Variants in PDGFRA observed in about 807,000 individuals in gnomAD.
The protein encoded by PDGFRA is platelet derived growth factor receptor alpha.
Under a neutral mutation model 121.5 loss-of-function variants are expected in PDGFRA, and 25 were observed. That is an observed-to-expected ratio of 0.21 (90% CI 0.15 to 0.29). PDGFRA has a LOEUF of 0.29. Ranked by LOEUF, PDGFRA falls within the 10% of genes least tolerant of loss-of-function variation. The probability of loss-of-function intolerance (pLI) is 1.00; values close to 1 mark genes in which losing one functional copy is unlikely to be tolerated. For missense variants in PDGFRA, 1,008 were observed against 1,345.1 expected (o/e 0.75, Z 3.92); for synonymous variants, 463 against 494.8 (o/e 0.94, Z 0.85).
chr4:54,246,843 G>C (rs1366017200), intron 1 of PDGFRA, among the ~76,000 whole-genome samples: 1 of 148,180 alleles, frequency 6.7e-6, no homozygotes, highest in African/African-American at 2.6e-5. Context: ...GAAGAAAAGA[G>C]AGAAGAATCA....
rs763576329 is a variant in PDGFRA at position 54,285,959 on chromosome 4, G to C, written c.2558G>C (p.Gly853Ala). ...CATGATTCGAACTATGTGTCGAAAG[G>C]CAGTGTACGTCCTCACTTCCCTCAC... Reference protein sequence around the residue: ...IMHDSNYVSKGSTFLPVKWMA... With the variant: ...IMHDSNYVSKASTFLPVKWMA... The change falls in exon 18 of 23, where the codon GGC becomes GCC. Residue 853 changes from glycine to alanine, a missense_variant. This residue lies in a region of PDGFRA where 40 missense variants were observed against 127.4 expected (regional missense o/e 0.31). Coordinates refer to ENST00000257290, the MANE Select transcript of PDGFRA (RefSeq NM_006206.6). The C allele has an allele frequency of 1.2e-6, 2 of 1,614,040 alleles. No homozygotes were observed. The highest frequency in any genetic ancestry group is 1.7e-6 in the Non-Finnish European group (2 of 1,179,888).
chr4:54,271,246 T>C (rs1723334344), intron 8 of PDGFRA, among the ~76,000 whole-genome samples: 1 of 152,188 alleles, frequency 6.6e-6, no homozygotes, highest in Non-Finnish European at 1.5e-5. Flanking sequence ...CAAGTCTGTT[T>C]ACATTCAGGC....
At chr4:54,241,438 A>T (rs529950423) in intron 1 of PDGFRA, among the ~76,000 whole-genome samples, 19 of 152,268 alleles carry the variant, frequency 1.2e-4, no homozygotes, top group South Asian at 1.2e-3. Flanking sequence ...GTTGTAGATG[A>T]CCTATGTAAG....
intron 5 of PDGFRA, chr4:54,265,322 G>A: frequency 2.4e-6 from 1 of 408,466 alleles, no homozygotes; most frequent in Non-Finnish European, 4.6e-6. Context: ...GAAATAGGAA[G>A]GTTCTCTGGC....
chr4:54,258,456 A>G (rs1323074007), intron 1 of PDGFRA, among the ~76,000 whole-genome samples: 1 of 152,076 alleles, frequency 6.6e-6, no homozygotes, highest in East Asian at 1.9e-4. Context: ...AAAAATATAT[A>G]TATATGTATT....
At position 54,296,989 on chromosome 4, in the gene PDGFRA, C is replaced by T. The variant is rs1380940921; in HGVS notation, c.*1717C>T. 8.6e-6 allele frequency: 2 copies of T among 233,134 alleles called. No individual in the cohort carries two copies. Among genetic ancestry groups the T allele is most frequent in the Non-Finnish European group, 1.7e-5 (2 of 117,982 alleles). The allele number at this position is 233,134 out of a possible 1,614,324, so 14.4% of individuals were successfully genotyped here. Reference sequence around the variant, plus strand: ...GGGAGATTGAACTTTCCCCGTCTCCCGTCTTCTGCCTCCCACTCCATACCC... The same window carrying T: ...GGGAGATTGAACTTTCCCCGTCTCCTGTCTTCTGCCTCCCACTCCATACCC... On this transcript the variant is annotated 3_prime_UTR_variant, in exon 23 of 23. Transcript: ENST00000257290.
intron 16 of PDGFRA, among the ~76,000 whole-genome samples, chr4:54,281,281 A>G (rs1235990053): frequency 2.6e-5 from 4 of 152,172 alleles, no homozygotes; most frequent in South Asian, 4.1e-4. Flanking sequence ...GAGCCTTCCC[A>G]TTAGTCAATG....
At chr4:54,265,363 CA>C in intron 5 of PDGFRA, 3 of 341,410 alleles carry the variant, frequency 8.8e-6, no homozygotes, top group South Asian at 2.7e-5. Context: ...ATTAGAAGAG[CA>C]AAAAAACCAC....
At chr4:54,280,270 C>T (rs1443162011) in intron 15 of PDGFRA, 46 bp from the exon 16 acceptor site, 1 of 1,555,088 alleles carries the variant, frequency 6.4e-7, no homozygotes, top group South Asian at 1.1e-5. Context: ...GGAATGACCA[C>T]TTCAGAAGGG....
chr4:54,278,676 A>G, intron 15 of PDGFRA, 161 bp downstream of exon 15: 1 of 692,432 alleles, frequency 1.4e-6, no homozygotes, highest in Non-Finnish European at 2.6e-6. Flanking sequence ...TCATGCAGAG[A>G]GATGCATGAT....
In PDGFRA at chr4:54,287,555, A is replaced by G. The variant is rs751575586; in HGVS notation, c.2674+14A>G. 1.0e-6 allele frequency: 1 copy of G among 979,056 alleles called. No individual in the cohort carries two copies. The highest frequency in any genetic ancestry group is 1.3e-5 in the South Asian group (1 of 78,636). The allele number at this position is 979,056 out of a possible 1,614,324, so 60.6% of individuals were successfully genotyped here. The stretch of plus-strand genomic sequence containing the variant: ...TCTTTTCCCTTGGTATGGGCCTGAC[A>G]TTGCTGCTTATTTGGGCTGTTCTGA... On this transcript the variant is annotated intron_variant, in intron 19 of 22. Coordinates refer to ENST00000257290, the MANE Select transcript of PDGFRA (RefSeq NM_006206.6).
At chr4:54,245,111 C>T (rs369393760) in intron 1 of PDGFRA, among the ~76,000 whole-genome samples, 3 of 152,218 alleles carry the variant, frequency 2.0e-5, no homozygotes, top group African/African-American at 4.8e-5. Context: ...CTGAAAGTGA[C>T]GGGGAGAATG....
intron 17 of PDGFRA, 116 bp downstream of exon 17, chr4:54,285,602 C>G: frequency 1.3e-6 from 1 of 742,266 alleles, no homozygotes; most frequent in Non-Finnish European, 2.5e-6. Flanking sequence ...CTCTTACTTA[C>G]CTGTCTCTCT....
At chr4:54,292,918 ACC>A (rs1486921977) in intron 22 of PDGFRA, among the ~76,000 whole-genome samples, 3 of 152,144 alleles carry the variant, frequency 2.0e-5, no homozygotes, top group Non-Finnish European at 4.4e-5. Flanking sequence ...CAGAAAAAAT[ACC>A]TATCGGATAC....
rs1721351152 is a variant in PDGFRA, at chr4:54,242,335, C to T, written c.-13+12920C>T. On this transcript the variant is annotated intron_variant, in intron 1 of 22. Transcript: ENST00000257290. Reference sequence around the variant, plus strand: ...TTGCTTGCCATCTCTTTGGAGATACCTCTTGTGTCCATGGTTAAGTTATAA... The same window carrying T: ...TTGCTTGCCATCTCTTTGGAGATACTTCTTGTGTCCATGGTTAAGTTATAA... Among the ~76,000 whole-genome samples, 3 of 151,962 alleles carry T rather than the reference C, an allele frequency of 2.0e-5. No homozygotes were observed. In the South Asian group the frequency reaches 6.2e-4, roughly 31 times the overall value.
intron 17 of PDGFRA, 118 bp from the exon 18 acceptor site, chr4:54,285,723 C>G: frequency 9.0e-7 from 1 of 1,112,086 alleles, no homozygotes; most frequent in Admixed American, 1.7e-5. Flanking sequence ...AGAAGGCCAG[C>G]CCTTTATATC....
intron 10 of PDGFRA, 65 bp from the exon 11 acceptor site, chr4:54,274,466 C>A: frequency 8.7e-7 from 1 of 1,143,402 alleles, no homozygotes; most frequent in Non-Finnish European, 1.3e-6. Context: ...AGCCACACTA[C>A]CTTGCTGCCC....
intron 1 of PDGFRA, among the ~76,000 whole-genome samples, chr4:54,234,058 C>T (rs566976841): frequency 1.1e-3 from 161 of 152,304 alleles, no homozygotes; most frequent in Non-Finnish European, 1.8e-3. Context: ...GCACAGAACC[C>T]TAGTAGCGAG....
rs1440317369 is a variant in PDGFRA, at chr4:54,267,459, T to C, written c.930T>C (p.His310=). ...TGAAGAAAGTCACTATTTCTGTCCA[T>C]GGTACATTCCGCTTTCTAAAATGTC... is the stretch of plus-strand genomic sequence containing the variant. The part of the protein sequence containing the change: ...KEMKKVTISV[H]EKGFIEIKPT... The change falls in exon 6 of 23, where the codon CAT becomes CAC. Residue 310 remains histidine (H), a splice_region_variant and synonymous_variant. Coordinates refer to ENST00000257290, the MANE Select transcript of PDGFRA (RefSeq NM_006206.6). 1 of 1,614,144 alleles carries C rather than the reference T, an allele frequency of 6.2e-7. No homozygotes were observed.
Sources: gnomAD v4.1 joint callset for allele counts (sites outside exome capture counted in the v4.1 genomes callset) on GRCh38, gnomAD v4.1.1 for gene constraint, gnomAD v4.1.1 regional missense constraint, MANE v1.5 for transcripts, NCBI Gene and HGNC (gene_info 2026-07-23, HGNC 2026-07-21) for gene names.